Variants in TMEM233 observed in about 807,000 individuals in gnomAD.
TMEM233 encodes transmembrane protein 233.
Under a neutral mutation model 11.2 loss-of-function variants are expected in TMEM233, and 6 were observed. The observed-to-expected ratio is 0.54, with a 90% CI of 0.29 to 1.06. The LOEUF (loss-of-function observed/expected upper bound fraction) is 1.06. Among genes scored for constraint, TMEM233 ranks in the 50% least tolerant of loss-of-function variants. TMEM233 has a pLI of 0.08. For synonymous variants in TMEM233, 59 were observed against 55.8 expected, an observed-to-expected ratio of 1.06 and a Z score of -0.26; for missense variants, 127 against 144.7, an observed-to-expected ratio of 0.88 and a Z score of 0.63.
Position 119,595,782 on chromosome 12 carries a change from G to T in TMEM233, c.186+1748G>T, listed in dbSNP as rs1191117588. Among the ~76,000 whole-genome samples the T allele has an allele frequency of 1.3e-5, 2 of 152,090 alleles. No individual in the cohort carries two copies. Among genetic ancestry groups the T allele is most frequent in the African/African-American group, 2.4e-5 (1 of 41,414 alleles). On this transcript the variant is annotated intron_variant, in intron 1 of 2. Transcript: ENST00000426426. The surrounding 1 kb of genome is among the most constrained non-coding windows in gnomAD (Gnocchi z 4.3). ...ATCAGGACCCCCATCCACCCACCCC[G>T]CGCAAGCTCTGTTCTTCCTTCCCTG...
chr12:119,622,745 T>C (rs1372646791), intron 1 of TMEM233, among the ~76,000 whole-genome samples: 1 of 152,058 alleles, frequency 6.6e-6, no homozygotes. Flanking sequence ...TCCCCTCATC[T>C]TCTTACTTTT....
At chr12:119,627,826 C>T (rs1954794746) in intron 1 of TMEM233, among the ~76,000 whole-genome samples, 1 of 152,216 alleles carries the variant, frequency 6.6e-6, no homozygotes, top group Admixed American at 6.5e-5. Context: ...CTCCATAAGA[C>T]ATGCTCACCA....
chr12:119,635,543 G>A (rs1566114079), intron 2 of TMEM233, among the ~76,000 whole-genome samples: 1 of 152,224 alleles, frequency 6.6e-6, no homozygotes, highest in East Asian at 1.9e-4. Flanking sequence ...GGTGTGTTTT[G>A]TTTCCCCCAC....
intron 1 of TMEM233, among the ~76,000 whole-genome samples, chr12:119,604,937 T>C (rs1013248021): frequency 6.6e-6 from 1 of 151,984 alleles, no homozygotes; most frequent in African/African-American, 2.4e-5. Flanking sequence ...CTGGCTAAGT[T>C]AGGTGTTTTT....
the TMEM233 span, among the ~76,000 whole-genome samples, chr12:119,651,921 G>A: frequency 6.6e-6 from 1 of 150,602 alleles, no homozygotes; most frequent in East Asian, 1.9e-4. Flanking sequence ...CCCAAGTAAA[G>A]TATAAGTAGA....
At chr12:119,645,495 G>A (rs574527109), downstream of TMEM233, among the ~76,000 whole-genome samples, 4 of 152,258 alleles carry the variant, frequency 2.6e-5, no homozygotes, top group South Asian at 8.3e-4. Flanking sequence ...AAGAGAGGCA[G>A]GCATAAAGAT....
At chr12:119,640,609 A>C in intron 2 of TMEM233, 90 bp from the exon 3 acceptor site, 1 of 1,420,342 alleles carries the variant, frequency 7.0e-7, no homozygotes, top group Non-Finnish European at 9.6e-7. Flanking sequence ...AGTCATCATC[A>C]TCAAATAAGG....
At chr12:119,650,655 G>A in the TMEM233 span, among the ~76,000 whole-genome samples, 446 of 126,218 alleles carry the variant, frequency 3.5e-3, 4 homozygotes, top group Middle Eastern at 0.02. Flanking sequence ...TGTTGTTGTT[G>A]TTTTTGAGAC....
chr12:119,632,001 T>C (rs1566112520), intron 2 of TMEM233, among the ~76,000 whole-genome samples: 1 of 152,160 alleles, frequency 6.6e-6, no homozygotes, highest in Non-Finnish European at 1.5e-5. Context: ...TTCAAGGCTT[T>C]ATATTTATGA....
At chr12:119,617,193 A>G (rs1179977129) in intron 1 of TMEM233, among the ~76,000 whole-genome samples, 1 of 152,192 alleles carries the variant, frequency 6.6e-6, no homozygotes, top group Non-Finnish European at 1.5e-5. Flanking sequence ...GGAACTTCCT[A>G]GAGACTTGGA....
At chr12:119,612,474 C>T (rs1954419491) in intron 1 of TMEM233, among the ~76,000 whole-genome samples, 1 of 152,036 alleles carries the variant, frequency 6.6e-6, no homozygotes, top group African/African-American at 2.4e-5. Flanking sequence ...ATTGGCTGGG[C>T]GAAGTGGTTC....
Position 119,622,672 on chromosome 12 carries a change from C to A in TMEM233, c.187-7064C>A, listed in dbSNP as rs550971095. Among the ~76,000 whole-genome samples the A allele has an allele frequency of 1.8e-3, 273 of 152,036 alleles. 3 individuals carry two copies. The highest frequency in any genetic ancestry group is 3.5e-3 in the Non-Finnish European group (238 of 67,924). On this transcript the variant is annotated intron_variant, in intron 1 of 2. Transcript: ENST00000426426. ...AGTTCTCTACCCTTAAGCCCGAGACCCCCCCAGCCATGGAAATCCTTCACA... is the reference window on the plus strand; with the variant it reads ...AGTTCTCTACCCTTAAGCCCGAGACACCCCCAGCCATGGAAATCCTTCACA...
chr12:119,650,157 C>CA, the TMEM233 span, among the ~76,000 whole-genome samples: 439 of 129,014 alleles, frequency 3.4e-3, 13 homozygotes, highest in Admixed American at 0.012. Flanking sequence ...GACTCCATCT[C>CA]AAAAAAAAAA....
chr12:119,615,244 T>C (rs1011710492), intron 1 of TMEM233, among the ~76,000 whole-genome samples: 5 of 150,842 alleles, frequency 3.3e-5, no homozygotes, highest in Non-Finnish European at 5.9e-5. Context: ...CTTAATAATA[T>C]TCTGTATTCA....
At chr12:119,609,095 TG>T (rs1394216892) in intron 1 of TMEM233, among the ~76,000 whole-genome samples, 15 of 152,138 alleles carry the variant, frequency 9.9e-5, no homozygotes, top group African/African-American at 3.6e-4. Context: ...CCTAGAGACT[TG>T]CTGAATGACC....
chr12:119,615,531 T>A (rs543119395), intron 1 of TMEM233, among the ~76,000 whole-genome samples: 1 of 152,292 alleles, frequency 6.6e-6, no homozygotes, highest in East Asian at 1.9e-4. Context: ...AGGAATTTTT[T>A]AAGCTTCCCA....
chr12:119,606,237 T>C (rs1351564511), intron 1 of TMEM233, among the ~76,000 whole-genome samples: 2 of 152,088 alleles, frequency 1.3e-5, no homozygotes, highest in Non-Finnish European at 2.9e-5. Context: ...TGGAAAAAAG[T>C]ATCAGACTAT....
the TMEM233 span, among the ~76,000 whole-genome samples, chr12:119,653,365 C>T: frequency 8.3e-6 from 1 of 120,314 alleles, no homozygotes; most frequent in African/African-American, 3.3e-5. Flanking sequence ...GCACTCCAGC[C>T]TGGGTGACAG....
At chr12:119,640,022 A>G (rs938044714) in intron 2 of TMEM233, among the ~76,000 whole-genome samples, 10 of 152,248 alleles carry the variant, frequency 6.6e-5, no homozygotes, top group African/African-American at 2.4e-4. Flanking sequence ...ATCAGTTTCA[A>G]TGCAGAGAAA....
Sources: gnomAD v4.1 joint callset for allele counts (sites outside exome capture counted in the v4.1 genomes callset) on GRCh38, gnomAD v4.1.1 for gene constraint, Gnocchi (gnomAD v3.1) non-coding constraint, MANE v1.5 for transcripts, NCBI Gene and HGNC (gene_info 2026-07-23, HGNC 2026-07-21) for gene names.